The following CMAS variants were observed in gnomAD, a reference collection of about 807,000 sequenced individuals.
CMAS encodes the protein N-acylneuraminate cytidylyltransferase.
CMAS carries 21 observed loss-of-function variants against 53.4 expected under a neutral mutation model. That is an observed-to-expected ratio of 0.39 (90% CI 0.28 to 0.57). The LOEUF (loss-of-function observed/expected upper bound fraction) is 0.57. CMAS is among the 20% of genes least tolerant of loss of function. CMAS has a pLI of 0.56. For synonymous variants in CMAS, 189 were observed against 195.2 expected, an observed-to-expected ratio of 0.97 and a Z score of 0.27; for missense variants, 384 against 534.9, an observed-to-expected ratio of 0.72 and a Z score of 2.78.
In CMAS at chr12:22,062,302, G is replaced by A. The variant is rs914983679; in HGVS notation, c.982G>A (p.Ala328Thr). 6.2e-7 allele frequency: 1 copy of A among 1,604,744 alleles called. No homozygotes were observed. ...GIEVRLISERACSKQTLSSLK... is the reference protein window; with the variant it reads ...GIEVRLISERTCSKQTLSSLK... Reference sequence around the variant, plus strand: ...TAAGGTGAGGCTAATCTCAGAAAGGGCCTGTTCAAAGCAGACGCTGTCTTC... The same window carrying A: ...TAAGGTGAGGCTAATCTCAGAAAGGACCTGTTCAAAGCAGACGCTGTCTTC... The change falls in exon 7 of 8, where the codon GCC (alanine) becomes ACC (threonine). Residue 328 changes from alanine (A) to threonine (T), a missense_variant. Physicochemically the swap from Ala to Thr is moderately conservative, Grantham distance 58. Transcript: ENST00000229329.
intron 1 of CMAS, 25 bp from the exon 2 acceptor site, chr12:22,055,124 T>C: frequency 6.5e-7 from 1 of 1,549,464 alleles, no homozygotes; most frequent in South Asian, 1.2e-5. Flanking sequence ...GATTTGGCTG[T>C]TAATTTCTTT....
intron 4 of CMAS, among the ~76,000 whole-genome samples, chr12:22,059,344 C>T (rs1379346194): frequency 2.6e-5 from 4 of 151,784 alleles, no homozygotes; most frequent in Admixed American, 6.6e-5. Context: ...TTATTATTTA[C>T]TGTGTACTTC....
chr12:22,060,964 T>C, intron 5 of CMAS, 38 bp downstream of exon 5: 1 of 1,177,402 alleles, frequency 8.5e-7, no homozygotes, highest in Non-Finnish European at 1.3e-6. Flanking sequence ...TTGTACTAAA[T>C]CTTAATAATT....
intron 7 of CMAS, among the ~76,000 whole-genome samples, chr12:22,062,838 T>A (rs1308858335): frequency 6.6e-6 from 1 of 152,210 alleles, no homozygotes; most frequent in Non-Finnish European, 1.5e-5. Flanking sequence ...GAATAGTTTT[T>A]GCTGCTAATT....
At chr12:22,057,960 T>TTGA (rs1950279429) in intron 3 of CMAS, among the ~76,000 whole-genome samples, 1 of 151,246 alleles carries the variant, frequency 6.6e-6, no homozygotes, top group Non-Finnish European at 1.5e-5. Context: ...CCCAAGTAGC[T>TTGA]GGGATTACAG....
Position 22,046,554 on chromosome 12 carries a change from C to T in CMAS, c.251C>T (p.Ala84Val). Reference protein sequence around the residue: ...WVLRAALDSGAFQSVWVSTDH... With the variant: ...WVLRAALDSGVFQSVWVSTDH... ...CTGCGTGCGGCCCTGGATTCAGGGG[C>T]CTTCCAGAGGTGCGCATGTGCGAGA... Residue 84 changes from alanine to valine, a missense_variant, in exon 1 of 8, where the codon GCC (alanine) becomes GTC (valine). Ala to Val is a moderately conservative substitution (Grantham distance 64). Transcript: ENST00000229329. 1.9e-6 allele frequency: 3 copies of T among 1,588,850 alleles called. No individual in the cohort carries two copies. The highest frequency in any genetic ancestry group is 2.6e-6 in the Non-Finnish European group (3 of 1,169,102).
intron 7 of CMAS, among the ~76,000 whole-genome samples, chr12:22,063,169 A>AATTG (rs1227797847): frequency 6.6e-6 from 1 of 152,222 alleles, no homozygotes; most frequent in Non-Finnish European, 1.5e-5. Flanking sequence ...AACATTTTAA[A>AATTG]ATTGATAAGT....
chr12:22,062,507 C>G, intron 7 of CMAS, 73 bp downstream of exon 7: 2 of 1,441,168 alleles, frequency 1.4e-6, no homozygotes, highest in Non-Finnish European at 1.9e-6. Context: ...AAAGAAATGA[C>G]AAAGCACATC....
At chr12:22,063,619 TGTA>T (rs144136995) in intron 7 of CMAS, among the ~76,000 whole-genome samples, 6,739 of 152,046 alleles carry the variant, frequency 0.044, 200 homozygotes, top group Middle Eastern at 0.12. Context: ...TGTGTCAAAA[TGTA>T]GTGATTATCT....
At position 22,046,529 on chromosome 12, in the gene CMAS, C is replaced by T. The variant is rs1432123478; in HGVS notation, c.226C>T (p.Leu76=). The T allele has an allele frequency of 2.5e-6, 4 of 1,601,602 alleles. No individual in the cohort carries two copies. Among genetic ancestry groups the T allele is most frequent in the Admixed American group, 1.7e-5 (1 of 58,420 alleles). Residue 76 remains leucine, a synonymous_variant, in exon 1 of 8, where the codon CTG becomes TTG. Transcript: ENST00000229329. ...GGGGGTCCCGCTCATTGGCTGGGTC[C>T]TGCGTGCGGCCCTGGATTCAGGGGC... ...LAGVPLIGWV[L]RAALDSGAFQ...
Position 22,055,589 on chromosome 12 carries a change from T to C in CMAS, c.538T>C (p.Trp180Arg). ...FSVVRRHQFR[W>R]SEIQKGVREV... ...TGTTGTGAGACGCCATCAGTTTCGA[T>C]GGAGTGAAATTCAGAAAGGAGGTAA... Residue 180 changes from tryptophan (W) to arginine (R), a missense_variant, in exon 3 of 8, where the codon TGG (tryptophan) becomes CGG (arginine). Physicochemically the swap from Trp to Arg is moderately radical, Grantham distance 101. Transcript: ENST00000229329. The C allele has an allele frequency of 1.2e-6, 2 of 1,608,544 alleles. No individual in the cohort carries two copies. The highest frequency in any genetic ancestry group is 1.1e-5 in the South Asian group (1 of 89,008).
At chr12:22,062,201 A>ATTAT in intron 6 of CMAS, 80 bp from the exon 7 acceptor site, 1 of 1,331,352 alleles carries the variant, frequency 7.5e-7, no homozygotes. Flanking sequence ...TACAAGGTCA[A>ATTAT]TTATTATGAA....
chr12:22,063,938 A>C (rs1406375750), intron 7 of CMAS: 1 of 152,138 alleles, frequency 6.6e-6, no homozygotes, highest in Non-Finnish European at 1.5e-5. Context: ...CTACAAAAAA[A>C]AAAAATAATA....
intron 3 of CMAS, 104 bp downstream of exon 3, chr12:22,055,714 A>G: frequency 1.1e-6 from 1 of 952,324 alleles, no homozygotes; most frequent in South Asian, 1.5e-5. Context: ...GAGCTGTAAA[A>G]GAGAGTATTT....
chr12:22,062,433 T>C lies in CMAS; in HGVS notation c.1113T>C (p.Leu371=). The part of the protein sequence containing the change: ...MGLCWKEVAY[L]GNEVSDEECL... The stretch of plus-strand genomic sequence containing the variant: ...TGTGCTGGAAAGAAGTGGCATATCT[T>C]GGTTGGTATCTTTTTATTCACCCAT... Residue 371 remains leucine (L), a splice_region_variant and synonymous_variant, in exon 7 of 8, where the codon CTT becomes CTC. Transcript: ENST00000229329. 6.2e-7 allele frequency: 1 copy of C among 1,611,448 alleles called. No individual in the cohort carries two copies. The highest frequency in any genetic ancestry group is 8.5e-7 in the Non-Finnish European group (1 of 1,179,370).
intron 1 of CMAS, among the ~76,000 whole-genome samples, chr12:22,048,050 C>G (rs914618880): frequency 6.6e-6 from 1 of 152,136 alleles, no homozygotes; most frequent in African/African-American, 2.4e-5. Flanking sequence ...GAGGGAAAGG[C>G]TTATTAAGGT....
intron 4 of CMAS, among the ~76,000 whole-genome samples, chr12:22,060,031 C>T (rs1317445405): frequency 6.6e-6 from 1 of 152,008 alleles, no homozygotes; most frequent in Non-Finnish European, 1.5e-5. Flanking sequence ...TCTAAGAAAA[C>T]TCTGTACAAC....
In CMAS at chr12:22,055,478, C is replaced by G; in HGVS notation, c.427C>G (p.Gln143Glu). ...AGAGGTTGACATTGTAGGAAATATT[C>G]AAGCTACTTCTCCATGTTTACATCC... ...HNEVDIVGNI[Q>E]ATSPCLHPTD... is the part of the protein sequence containing the mutation. Residue 143 changes from glutamine (Q) to glutamate (E), a missense_variant, in exon 3 of 8, where the codon CAA becomes GAA. Transcript: ENST00000229329. 1.3e-6 allele frequency: 2 copies of G among 1,598,972 alleles called. No individual in the cohort carries two copies. Among genetic ancestry groups the G allele is most frequent in the African/African-American group, 1.3e-5 (1 of 74,098 alleles).
intron 3 of CMAS, among the ~76,000 whole-genome samples, chr12:22,057,157 C>G (rs1383985228): frequency 6.6e-6 from 1 of 151,210 alleles, no homozygotes; most frequent in East Asian, 2.0e-4. Context: ...GAGGTTATTC[C>G]TAGAAGCCTG....
Sources: gnomAD v4.1 joint callset for allele counts (sites outside exome capture counted in the v4.1 genomes callset) on GRCh38, gnomAD v4.1.1 for gene constraint, MANE v1.5 for transcripts, NCBI Gene and HGNC (gene_info 2026-07-23, HGNC 2026-07-21) for gene names.